MIA3: variants seen among roughly 807,000 people sequenced by gnomAD.
MIA3 encodes transport and Golgi organization protein 1 homolog.
Under a neutral mutation model 192.4 loss-of-function variants are expected in MIA3, and 90 were observed. The observed-to-expected ratio is 0.47, with a 90% confidence interval of 0.39 to 0.56. The LOEUF is 0.56. Among genes scored for constraint, MIA3 ranks in the 20% least tolerant of loss-of-function variants. The probability of loss-of-function intolerance (pLI) is 0.00; values close to 1 mark genes in which losing one functional copy is unlikely to be tolerated. For missense variants in MIA3, 2,123 were observed against 2,269.4 expected (o/e 0.94, Z 1.31); for synonymous variants, 740 against 792.8 (o/e 0.93, Z 1.12).
At chr1:222,651,717 T>C (rs911532370) in intron 11 of MIA3, among the ~76,000 whole-genome samples, 22 of 152,206 alleles carry the variant, frequency 1.4e-4, no homozygotes, top group African/African-American at 5.3e-4. Context: ...TCTTTCACCT[T>C]TTAGTCTGGT....
Position 222,624,820 on chromosome 1 carries a change from A to C in MIA3, c.320A>C (p.Glu107Ala), listed in dbSNP as rs769464287. Residue 107 changes from glutamate to alanine, a missense_variant, in exon 3 of 28, where the codon GAA becomes GCA. Coordinates refer to ENST00000344922, the MANE Select transcript of MIA3 (RefSeq NM_198551.4). The part of the protein sequence containing the change: ...FPKDLIQVVH[E>A]YTKEELQVPT... ...AAAGATTTAATCCAGGTAGTTCATG[A>C]ATATACCAAAGAAGAGCTACAAGTT... 65 of 1,601,994 alleles carry C rather than the reference A, an allele frequency of 4.1e-5. No homozygotes were observed. The highest frequency in any genetic ancestry group is 5.1e-5 in the Non-Finnish European group (60 of 1,170,056).
intron 21 of MIA3, 32 bp downstream of exon 21, chr1:222,659,689 G>C: frequency 6.2e-7 from 1 of 1,613,570 alleles, no homozygotes; most frequent in Non-Finnish European, 8.5e-7. Context: ...CCCTTATTTT[G>C]TGCATAGTCT....
rs949519122 is a variant in MIA3 at position 222,633,139 on chromosome 1, A to G, written c.3367A>G (p.Ile1123Val). ...VTTEDTPMDAIDANKQPETAA... is the reference protein window; with the variant it reads ...VTTEDTPMDAVDANKQPETAA... Reference sequence around the variant, plus strand: ...AACAGAAGACACTCCTATGGATGCTATTGATGCAAACAAGCAACCAGAGAC... The same window carrying G: ...AACAGAAGACACTCCTATGGATGCTGTTGATGCAAACAAGCAACCAGAGAC... The change falls in exon 6 of 28, where the codon ATT becomes GTT. Residue 1123 changes from isoleucine to valine, a missense_variant. Transcript: ENST00000344922. The G allele has an allele frequency of 5.6e-6, 9 of 1,613,490 alleles. No homozygotes were observed. Among genetic ancestry groups the G allele is most frequent in the African/African-American group, 2.7e-5 (2 of 74,896 alleles).
rs776689420 is a variant in MIA3, at chr1:222,650,870, T to C, written c.3876T>C (p.Ser1292=). 1 of 1,607,032 alleles carries C rather than the reference T, an allele frequency of 6.2e-7. No individual in the cohort carries two copies. Among genetic ancestry groups the C allele is most frequent in the Non-Finnish European group, 8.5e-7 (1 of 1,177,066 alleles). The part of the protein sequence containing the change: ...TAKNLRVMLE[S]EREQNVKNQD... Reference sequence around the variant, plus strand: ...AAAATCTTCGTGTTATGCTAGAATCTGAGAGAGAACAGAATGTCAAGAATC... The same window carrying C: ...AAAATCTTCGTGTTATGCTAGAATCCGAGAGAGAACAGAATGTCAAGAATC... Residue 1292 remains serine (S), a synonymous_variant, in exon 11 of 28, where the codon TCT becomes TCC. Coordinates refer to ENST00000344922, the MANE Select transcript of MIA3 (RefSeq NM_198551.4).
At chr1:222,626,713 G>A (rs1662135992) in intron 3 of MIA3, among the ~76,000 whole-genome samples, 1 of 152,134 alleles carries the variant, frequency 6.6e-6, no homozygotes, top group Non-Finnish European at 1.5e-5. Context: ...TATGAAAATG[G>A]GGAGCCTCCT....
In MIA3 at chr1:222,618,260, G is replaced by A. The variant is rs1353595110; in HGVS notation, c.133+17G>A. ...AATGCAGCAGTGAGTGCGCTGGAGGGGCGGCTGGCCTCGGGGCGGCTGGCC... is the reference window on the plus strand; with the variant it reads ...AATGCAGCAGTGAGTGCGCTGGAGGAGCGGCTGGCCTCGGGGCGGCTGGCC... On this transcript the variant is annotated intron_variant, in intron 1 of 27. Transcript: ENST00000344922. 1.4e-6 allele frequency: 2 copies of A among 1,395,662 alleles called. No homozygotes were observed. Among genetic ancestry groups the A allele is most frequent in the Non-Finnish European group, 1.9e-6 (2 of 1,051,036 alleles). The allele number at this position is 1,395,662 out of a possible 1,614,324, so 86.5% of individuals were successfully genotyped here.
intron 7 of MIA3, among the ~76,000 whole-genome samples, chr1:222,648,467 T>G (rs550158399): frequency 3.6e-4 from 55 of 152,324 alleles, no homozygotes; most frequent in African/African-American, 1.3e-3. Context: ...GTCAAATAAG[T>G]GACTTTGAGT....
chr1:222,632,141 C>G (rs748921846), intron 4 of MIA3, 24 bp from the exon 5 acceptor site: 2 of 1,610,142 alleles, frequency 1.2e-6, no homozygotes, highest in East Asian at 2.2e-5. Context: ...GCTGTGCTAG[C>G]CCAGTGTATT....
At chr1:222,641,668 G>A (rs532466549) in intron 6 of MIA3, 27 of 540,836 alleles carry the variant, frequency 5.0e-5, no homozygotes, top group African/African-American at 3.1e-4. Context: ...TATTAAACTC[G>A]TCAGTGGGAG....
At chr1:222,627,480 G>A (rs764400924) in intron 3 of MIA3, 95 bp from the exon 4 acceptor site, 122 of 1,115,506 alleles carry the variant, frequency 1.1e-4, no homozygotes, top group East Asian at 8.6e-4. Context: ...AGAGCCAAAC[G>A]TGAATTCGAG....
Position 222,665,376 on chromosome 1 carries a change from C to T in MIA3, c.5481C>T (p.Asp1827=), listed in dbSNP as rs1188388798. The T allele has an allele frequency of 1.2e-6, 2 of 1,613,988 alleles. No homozygotes were observed. Among genetic ancestry groups the T allele is most frequent in the East Asian group, 4.5e-5 (2 of 44,878 alleles). The change falls in exon 28 of 28, where the codon GAC becomes GAT. Residue 1827 remains aspartate (D), a synonymous_variant. Transcript: ENST00000344922. ...CAGGCGTTCCACCAGGAAGACGGGA[C>T]CTGCCTCTCCACCCTCGGGGATTTT... The part of the protein sequence containing the change: ...FAPGVPPGRR[D]LPLHPRGFLP...
At chr1:222,664,266 G>A (rs79024999) in intron 27 of MIA3, 118 bp downstream of exon 27, 96,556 of 1,080,712 alleles carry the variant, frequency 0.089, 5,800 homozygotes, top group African/African-American at 0.27. Flanking sequence ...AGCTGATTGA[G>A]TACACCGTAA....
At chr1:222,627,500 A>G (rs985658407) in intron 3 of MIA3, 75 bp from the exon 4 acceptor site, 20 of 1,231,256 alleles carry the variant, frequency 1.6e-5, no homozygotes, top group Middle Eastern at 2.2e-4. Flanking sequence ...GATTATCTCA[A>G]TCATTAACGT....
intron 7 of MIA3, chr1:222,647,933 A>T: frequency 2.6e-6 from 1 of 380,230 alleles, no homozygotes; most frequent in Non-Finnish European, 5.5e-6. Flanking sequence ...TAATTATTGT[A>T]TACAGTAATA....
chr1:222,637,509 A>G (rs1029012549), intron 6 of MIA3, among the ~76,000 whole-genome samples: 1 of 152,142 alleles, frequency 6.6e-6, no homozygotes, highest in Non-Finnish European at 1.5e-5. Context: ...GGCAGGGTAA[A>G]TATTTGATTC....
chr1:222,627,549 G>A, intron 3 of MIA3, 26 bp from the exon 4 acceptor site: 1 of 1,532,680 alleles, frequency 6.5e-7, no homozygotes, highest in Non-Finnish European at 8.8e-7. Flanking sequence ...GCTATTGACA[G>A]ACTAATGTTT....
At chr1:222,623,710 C>G (rs1484967533) in intron 2 of MIA3, among the ~76,000 whole-genome samples, 1 of 151,830 alleles carries the variant, frequency 6.6e-6, no homozygotes, top group Admixed American at 6.6e-5. Flanking sequence ...GCCTTTTTTT[C>G]TTTTTGTGCA....
intron 6 of MIA3, among the ~76,000 whole-genome samples, chr1:222,633,624 G>A (rs1439406342): frequency 6.6e-6 from 1 of 152,152 alleles, no homozygotes; most frequent in South Asian, 2.1e-4. Context: ...TGGAGGGAGA[G>A]TGATAGGAAA....
chr1:222,641,531 G>T (rs1662851474), intron 6 of MIA3: 1 of 499,606 alleles, frequency 2.0e-6, no homozygotes, highest in Non-Finnish European at 4.0e-6. Flanking sequence ...TTCTCTATCT[G>T]CTTGGTTAGG....
Sources: allele counts gnomAD v4.1 joint callset (sites outside exome capture counted in the v4.1 genomes callset), GRCh38; gene constraint gnomAD v4.1.1; transcripts MANE v1.5; gene names NCBI Gene and HGNC (gene_info 2026-07-23, HGNC 2026-07-21).